The following OR3A2 variants were observed in gnomAD, a reference collection of about 807,000 sequenced individuals.
OR3A2 encodes the protein olfactory receptor family 3 subfamily A member 2.
For missense variants in OR3A2, 318 were observed against 392.8 expected (o/e 0.81, Z 1.61); for synonymous variants, 126 against 159.3 (o/e 0.79, Z 1.57).
chr17:3,349,901 T>C (rs1298409159), intron 2 of OR3A2, among the ~76,000 whole-genome samples: 2 of 151,906 alleles, frequency 1.3e-5, no homozygotes, highest in Admixed American at 6.6e-5. Context: ...CTCAACCATA[T>C]GGAAACTGAA....
chr17:3,347,045 A>G (rs1031924664), intron 2 of OR3A2, among the ~76,000 whole-genome samples: 1 of 152,076 alleles, frequency 6.6e-6, no homozygotes, highest in Non-Finnish European at 1.5e-5. Context: ...TTTCATTTTG[A>G]TATATACGTA....
intron 3 of OR3A2, among the ~76,000 whole-genome samples, chr17:3,318,951 CA>C (rs2049097919): frequency 6.9e-6 from 1 of 144,310 alleles, no homozygotes; most frequent in Admixed American, 6.8e-5. Context: ...TTTTACTTTG[CA>C]TTTTTTTTAA....
chr17:3,382,584 A>T (rs2150669953), intron 2 of OR3A2, among the ~76,000 whole-genome samples: 1 of 152,240 alleles, frequency 6.6e-6, no homozygotes, highest in Non-Finnish European at 1.5e-5. Context: ...CTCATGTCCT[A>T]TTTTCCTCCC....
intron 3 of OR3A2, chr17:3,291,662 C>T: frequency 6.2e-7 from 1 of 1,601,384 alleles, no homozygotes; most frequent in African/African-American, 1.3e-5. Flanking sequence ...TCCCTGTGAG[C>T]ATCCTCCAGA....
Position 3,311,051 on chromosome 17 carries a change from C to A in OR3A2, c.-85+24982G>T. On this transcript the variant is annotated intron_variant, in intron 3 of 4. Coordinates refer to the OR3A2 transcript ENST00000573491. This position sits in a 1 kb window ranked among gnomAD's most constrained non-coding sequence, Gnocchi z 4.6. ...AAGCCTTCTCCACGTGTAGTTCCCA[C>A]CTCACTGTGGTGGGCATCTTCTATG... is the stretch of plus-strand genomic sequence containing the variant. The A allele has an allele frequency of 3.7e-6, 2 of 546,036 alleles. No homozygotes were observed. Among genetic ancestry groups the A allele is most frequent in the Non-Finnish European group, 7.5e-6 (2 of 267,774 alleles). The allele number at this position is 546,036 out of a possible 1,614,324, so 33.8% of individuals were successfully genotyped here. A position where few individuals can be genotyped will look rare whatever the true frequency, so the allele number is the denominator to read the frequency against.
At chr17:3,353,616 G>GAGAT in intron 2 of OR3A2, among the ~76,000 whole-genome samples, 1 of 151,786 alleles carries the variant, frequency 6.6e-6, no homozygotes, top group Non-Finnish European at 1.5e-5. Context: ...AGCATCAATT[G>GAGAT]AACTGTTCAT....
chr17:3,312,785 G>A (rs1384844969), intron 3 of OR3A2, among the ~76,000 whole-genome samples: 11 of 151,980 alleles, frequency 7.2e-5, no homozygotes, highest in African/African-American at 1.9e-4. Context: ...CACCACGTCC[G>A]GCTAATTTTT....
At chr17:3,287,218 T>A (rs1402282114), upstream of OR3A2, among the ~76,000 whole-genome samples, 3 of 151,592 alleles carry the variant, frequency 2.0e-5, no homozygotes, top group Non-Finnish European at 2.9e-5. Flanking sequence ...TTAAGTAATT[T>A]CTCATCATCC....
In OR3A2 at chr17:3,342,056, C is replaced by T. The variant is rs150507238; in HGVS notation, c.-178-5930G>A. ...TACTCTTTCTTCCACTTGATCAAAT[C>T]GGCTACTGAAGCTTGTGCATGCGTC... On this transcript the variant is annotated intron_variant, in intron 2 of 4. Transcript: ENST00000573491. 3.0e-4 allele frequency among the ~76,000 whole-genome samples: 46 copies of T among 152,304 alleles called. 1 individual carries two copies. The East Asian group carries it at 7.9e-3, about 26-fold the overall frequency.
At chr17:3,276,122 A>C (rs567051609), downstream of OR3A2, among the ~76,000 whole-genome samples, 10 of 148,136 alleles carry the variant, frequency 6.8e-5, no homozygotes, top group South Asian at 1.3e-3. Context: ...AAAAGAAAAA[A>C]AAAAGAATAT....
Position 3,375,183 on chromosome 17 carries a change from TCTCA to T in OR3A2, c.-179+8617_-179+8620del, listed in dbSNP as rs1490778673. ...TTTTTTTTTTTTCTTTTTGAGACAGTCTCACTCAGTTGCCCAGGCTTGAGAGATT... is the reference window on the plus strand; with the variant it reads ...TTTTTTTTTTTTCTTTTTGAGACAGTCTCAGTTGCCCAGGCTTGAGAGATT... On this transcript the variant is annotated intron_variant, in intron 2 of 4. Transcript: ENST00000573491. 6.9e-4 allele frequency among the ~76,000 whole-genome samples: 75 copies of T among 109,470 alleles called. 2 individuals are homozygous for T. The highest frequency in any genetic ancestry group is 2.4e-3 in the African/African-American group (73 of 29,804). The allele number at this position is 109,470 out of a possible 152,430, so 71.8% of individuals were successfully genotyped here.
In OR3A2 at chr17:3,299,939, T is replaced by C. The variant is rs539538564; in HGVS notation, c.-84-20786A>G. Among the ~76,000 whole-genome samples the C allele has an allele frequency of 6.6e-4, 101 of 152,148 alleles. 1 individual carries two copies. Among genetic ancestry groups the C allele is most frequent in the Non-Finnish European group, 1.3e-3 (89 of 68,020 alleles). On this transcript the variant is annotated intron_variant, in intron 3 of 4. Transcript: ENST00000573491. ...ATGGCAATCATTAATATTTGCTTTATTTTGGTGCATTATCTTAATTTTCTG... is the reference window on the plus strand; with the variant it reads ...ATGGCAATCATTAATATTTGCTTTACTTTGGTGCATTATCTTAATTTTCTG...
At chr17:3,376,849 G>C (rs1381476254) in intron 2 of OR3A2, among the ~76,000 whole-genome samples, 4 of 152,136 alleles carry the variant, frequency 2.6e-5, no homozygotes, top group African/African-American at 7.2e-5. Flanking sequence ...GTGAGATAAG[G>C]CCAGGGATGG....
chr17:3,338,950 T>C (rs1162915006), intron 2 of OR3A2, among the ~76,000 whole-genome samples: 1 of 152,186 alleles, frequency 6.6e-6, no homozygotes, highest in Non-Finnish European at 1.5e-5. Context: ...TGTTGAGCAG[T>C]GGTTTGTAGC....
chr17:3,317,025 A>T (rs1226041605), intron 3 of OR3A2, among the ~76,000 whole-genome samples: 1 of 152,224 alleles, frequency 6.6e-6, no homozygotes, highest in African/African-American at 2.4e-5. Flanking sequence ...CCCAGACAGG[A>T]TGCCAAAGAC....
chr17:3,379,351 A>C (rs1399203950), intron 2 of OR3A2, among the ~76,000 whole-genome samples: 1 of 152,218 alleles, frequency 6.6e-6, no homozygotes, highest in Non-Finnish European at 1.5e-5. Context: ...AACAAGGAAC[A>C]GAAGTCATTT....
Position 3,356,769 on chromosome 17 carries a change from G to T in OR3A2, c.-178-20643C>A, listed in dbSNP as rs1017733099. Among the ~76,000 whole-genome samples the T allele has an allele frequency of 1.3e-4, 20 of 151,536 alleles. 1 individual carries two copies. The highest frequency in any genetic ancestry group is 4.9e-4 in the African/African-American group (20 of 40,968). ...GACAAAGACTCTATGATGACAAGAT[G>T]CAAGATAAATACGCTCTTAAGTTTA... On this transcript the variant is annotated intron_variant, in intron 2 of 4. Transcript: ENST00000573491.
intron 1 of OR3A2, among the ~76,000 whole-genome samples, chr17:3,384,776 G>A (rs969943269): frequency 1.3e-5 from 2 of 152,018 alleles, no homozygotes; most frequent in African/African-American, 2.4e-5. Context: ...CAGTACTGTG[G>A]CCATTCATTT....
downstream of OR3A2, among the ~76,000 whole-genome samples, chr17:3,276,698 A>C (rs1029170779): frequency 1.3e-5 from 2 of 152,180 alleles, no homozygotes; most frequent in East Asian, 3.8e-4. Context: ...TCTACATTGA[A>C]AATTCTAAGG....
Sources: allele counts gnomAD v4.1 joint callset (sites outside exome capture counted in the v4.1 genomes callset), GRCh38; gene constraint gnomAD v4.1.1; non-coding constraint Gnocchi (gnomAD v3.1); transcripts MANE v1.5; gene names NCBI Gene and HGNC (gene_info 2026-07-23, HGNC 2026-07-21).